SSH2: variants seen among roughly 807,000 people sequenced by gnomAD.
SSH2 encodes protein phosphatase Slingshot homolog 2.
In SSH2, 37 loss-of-function variants were observed where a neutral mutation model predicts 135.2. The ratio of observed to expected loss-of-function variants is 0.27; its 90% CI spans 0.21 to 0.36. The LOEUF is 0.36. SSH2 is among the 10% of genes least tolerant of loss of function. The pLI is 1.00. For missense variants in SSH2, 1,408 were observed against 1,765.3 expected, an observed-to-expected ratio of 0.80 and a Z score of 3.63; for synonymous variants, 628 against 646.2, an observed-to-expected ratio of 0.97 and a Z score of 0.43.
intron 1 of SSH2, among the ~76,000 whole-genome samples, chr17:29,866,688 T>G (rs1429084161): frequency 6.6e-6 from 1 of 152,190 alleles, no homozygotes; most frequent in African/African-American, 2.4e-5. Flanking sequence ...ATTAAATGGC[T>G]GAGGAGAACT....
chr17:29,856,138 G>T, intron 1 of SSH2: 1 of 294,218 alleles, frequency 3.4e-6, no homozygotes. Flanking sequence ...GTTTAGATAA[G>T]GCCGGGTGTT....
chr17:29,643,669 T>C (rs2036257579), intron 14 of SSH2, among the ~76,000 whole-genome samples: 1 of 152,140 alleles, frequency 6.6e-6, no homozygotes, highest in African/African-American at 2.4e-5. Context: ...AATTTTTGTA[T>C]TTTTAGTAGA....
chr17:29,918,553 G>A (rs1474481109), intron 1 of SSH2, among the ~76,000 whole-genome samples: 1 of 152,186 alleles, frequency 6.6e-6, no homozygotes, highest in African/African-American at 2.4e-5. Context: ...CTTATTTTCT[G>A]CACTTTACAT....
intron 1 of SSH2, among the ~76,000 whole-genome samples, chr17:29,912,964 C>G (rs543430589): frequency 5.7e-4 from 87 of 151,756 alleles, no homozygotes; most frequent in Admixed American, 5.4e-3. Flanking sequence ...GTACAACTTC[C>G]TATATCTCAA....
intron 3 of SSH2, among the ~76,000 whole-genome samples, chr17:29,747,105 A>T (rs1283578325): frequency 1.3e-5 from 2 of 152,206 alleles, no homozygotes; most frequent in Non-Finnish European, 2.9e-5. Flanking sequence ...TGGAATTTTT[A>T]TTGTTATTTC....
chr17:29,799,266 A>C (rs1403089480), intron 2 of SSH2, among the ~76,000 whole-genome samples: 1 of 152,202 alleles, frequency 6.6e-6, no homozygotes, highest in Non-Finnish European at 1.5e-5. Context: ...TTTGGTGTAC[A>C]TGCAAAATAT....
intron 2 of SSH2, among the ~76,000 whole-genome samples, chr17:29,818,421 C>T (rs890420601): frequency 6.6e-6 from 1 of 151,414 alleles, no homozygotes; most frequent in Non-Finnish European, 1.5e-5. Context: ...GCTAATTTTT[C>T]GTATTTTTAG....
At chr17:29,695,356 C>T in intron 5 of SSH2, 103 bp downstream of exon 5, 1 of 787,600 alleles carries the variant, frequency 1.3e-6, no homozygotes. Context: ...TCTTACTTCA[C>T]ATAGTTCCCA....
intron 3 of SSH2, among the ~76,000 whole-genome samples, chr17:29,718,990 T>G (rs2039724461): frequency 6.6e-6 from 1 of 152,130 alleles, no homozygotes; most frequent in African/African-American, 2.4e-5. Flanking sequence ...GCACACATCA[T>G]AATTTCTGCA....
chr17:29,851,706 A>AT (rs1250365827), intron 1 of SSH2, among the ~76,000 whole-genome samples: 2 of 151,926 alleles, frequency 1.3e-5, no homozygotes, highest in Non-Finnish European at 2.9e-5. Flanking sequence ...GACAAAAAAA[A>AT]AATAATAATA....
In SSH2 at chr17:29,691,652, G is replaced by A. The variant is rs377532807; in HGVS notation, c.357+3807C>T. ...ACTACAGGCACCTGCCACCACGCCCGGCTAATTTTTTGTATTTTTAGTAGA... is the reference window on the plus strand; with the variant it reads ...ACTACAGGCACCTGCCACCACGCCCAGCTAATTTTTTGTATTTTTAGTAGA... On this transcript the variant is annotated intron_variant, in intron 5 of 15. Transcript: ENST00000540801. 2.9e-4 allele frequency among the ~76,000 whole-genome samples: 44 copies of A among 151,700 alleles called. No individual in the cohort carries two copies. The East Asian group carries it at 7.3e-3, about 25-fold the overall frequency.
chr17:29,824,461 G>A (rs1208455471), intron 2 of SSH2, among the ~76,000 whole-genome samples: 1 of 152,134 alleles, frequency 6.6e-6, no homozygotes, highest in Non-Finnish European at 1.5e-5. Flanking sequence ...TGTCCCAGAA[G>A]CCTCCCAGAC....
At position 29,793,904 on chromosome 17, in the gene SSH2, G is replaced by T; in HGVS notation, c.178C>A (p.Gln60Lys). 1 of 1,613,378 alleles carries T rather than the reference G, an allele frequency of 6.2e-7. No homozygotes were observed. The highest frequency in any genetic ancestry group is 8.5e-7 in the Non-Finnish European group (1 of 1,179,504). The change falls in exon 3 of 16, where the codon CAG becomes AAG. Residue 60 changes from glutamine to lysine, a missense_variant. By Grantham distance (53) the Gln-to-Lys change is moderately conservative (BLOSUM62 1). Coordinates refer to ENST00000540801, the MANE Select transcript of SSH2 (RefSeq NM_001282129.2). ...ADSGEEECRS[Q>K]PRSISESFLT... ...AATGAACAAACATACCTCCTGGGCTGTGACCGGCATTCTTCCTCCCCACTG... is the reference window on the plus strand; with the variant it reads ...AATGAACAAACATACCTCCTGGGCTTTGACCGGCATTCTTCCTCCCCACTG...
chr17:29,650,888 T>C, intron 12 of SSH2, 88 bp from the exon 13 acceptor site: 2 of 1,074,696 alleles, frequency 1.9e-6, no homozygotes, highest in Non-Finnish European at 2.6e-6. Context: ...AAAACTTGTT[T>C]ATTCCATAGA....
At chr17:29,846,127 C>A (rs1430153861) in intron 2 of SSH2, among the ~76,000 whole-genome samples, 1 of 151,610 alleles carries the variant, frequency 6.6e-6, no homozygotes, top group Admixed American at 6.6e-5. Context: ...CAACCTCCAC[C>A]TTCTGGGTTC....
intron 1 of SSH2, among the ~76,000 whole-genome samples, chr17:29,883,478 G>A (rs2066176735): frequency 6.6e-6 from 1 of 152,074 alleles, no homozygotes; most frequent in Non-Finnish European, 1.5e-5. Context: ...AACTATACAT[G>A]ACATACTATA....
intron 2 of SSH2, among the ~76,000 whole-genome samples, chr17:29,815,030 C>T (rs1163550646): frequency 2.0e-5 from 3 of 150,472 alleles, no homozygotes; most frequent in Non-Finnish European, 4.4e-5. Flanking sequence ...CTCACTGGAA[C>T]CTCCACCTCC....
chr17:29,779,181 G>A (rs559018737), intron 3 of SSH2, among the ~76,000 whole-genome samples: 1 of 152,182 alleles, frequency 6.6e-6, no homozygotes, highest in Non-Finnish European at 1.5e-5. Flanking sequence ...AATCAGATTT[G>A]CTTTTCAAAT....
chr17:29,814,401 C>A (rs1284908861), intron 2 of SSH2, among the ~76,000 whole-genome samples: 2 of 137,066 alleles, frequency 1.5e-5, no homozygotes, highest in Non-Finnish European at 1.5e-5. Flanking sequence ...CCACTGCACT[C>A]CAGCCTGGGC....
Sources: gnomAD v4.1 joint callset for allele counts (sites outside exome capture counted in the v4.1 genomes callset) on GRCh38, gnomAD v4.1.1 for gene constraint, MANE v1.5 for transcripts, NCBI Gene and HGNC (gene_info 2026-07-23, HGNC 2026-07-21) for gene names.